CNTN1: variants seen among roughly 807,000 people sequenced by gnomAD.
CNTN1 encodes contactin 1.
In CNTN1, 38 loss-of-function variants were observed where a neutral mutation model predicts 126.4. The ratio of observed to expected loss-of-function variants is 0.30; its 90% CI spans 0.23 to 0.39. The LOEUF (loss-of-function observed/expected upper bound fraction) is 0.39, where lower values mean the gene tolerates loss of function less well. CNTN1 is among the 10% of genes least tolerant of loss of function. The pLI is 1.00. For missense variants in CNTN1, 1,009 were observed against 1,248.4 expected (o/e 0.81, Z 2.89); for synonymous variants, 413 against 422.6 (o/e 0.98, Z 0.28).
chr12:40,997,494 A>T (rs987472366), intron 17 of CNTN1, among the ~76,000 whole-genome samples: 1 of 152,164 alleles, frequency 6.6e-6, no homozygotes, highest in African/African-American at 2.4e-5. Context: ...TTGATAAAAG[A>T]GAAGAATAGA....
intron 1 of CNTN1, among the ~76,000 whole-genome samples, chr12:40,801,073 C>G (rs1940634035): frequency 1.4e-5 from 2 of 146,558 alleles, no homozygotes; most frequent in Non-Finnish European, 3.0e-5. Flanking sequence ...CTGGAAGAGA[C>G]AAGTAGCACA....
chr12:40,813,043 C>CTTTCTTTCTTTCTT (rs1941130966), intron 1 of CNTN1, among the ~76,000 whole-genome samples: 1 of 61,332 alleles, frequency 1.6e-5, no homozygotes, highest in Non-Finnish European at 4.2e-5. Flanking sequence ...TCTTTCCTTT[C>CTTTCTTTCTTTCTT]TTTCTTTCTT....
chr12:40,953,658 T>A (rs1946765893), intron 14 of CNTN1, among the ~76,000 whole-genome samples: 3 of 152,140 alleles, frequency 2.0e-5, no homozygotes, highest in African/African-American at 7.2e-5. Context: ...TAGTTTAACA[T>A]TAAACTTTTA....
At chr12:41,038,020 T>G (rs1949305882) in intron 23 of CNTN1, among the ~76,000 whole-genome samples, 1 of 152,036 alleles carries the variant, frequency 6.6e-6, no homozygotes, top group South Asian at 2.1e-4. Flanking sequence ...TAGCCGGGCA[T>G]GGTGGCACAC....
At chr12:40,810,476 T>C (rs903425248) in intron 1 of CNTN1, among the ~76,000 whole-genome samples, 5 of 152,130 alleles carry the variant, frequency 3.3e-5, no homozygotes, top group Admixed American at 6.5e-5. Context: ...TTACGTGAGG[T>C]CTCTAGAACT....
intron 1 of CNTN1, among the ~76,000 whole-genome samples, chr12:40,703,854 G>T (rs1201670167): frequency 6.6e-6 from 1 of 152,038 alleles, no homozygotes; most frequent in Non-Finnish European, 1.5e-5. Flanking sequence ...GTTGCATTGG[G>T]GCTAGAGATA....
chr12:40,947,780 T>TAC (rs1254129058), intron 14 of CNTN1, among the ~76,000 whole-genome samples: 1,433 of 67,404 alleles, frequency 0.021, 12 homozygotes, highest in East Asian at 0.067. Flanking sequence ...TATATATATA[T>TAC]ATACACACAC....
At chr12:40,849,910 AT>A (rs1442197004) in intron 1 of CNTN1, among the ~76,000 whole-genome samples, 2 of 152,036 alleles carry the variant, frequency 1.3e-5, no homozygotes, top group Non-Finnish European at 2.9e-5. Context: ...TACAGTATAT[AT>A]GCATCTCACC....
At chr12:40,951,809 A>G (rs1410642403) in intron 14 of CNTN1, among the ~76,000 whole-genome samples, 1 of 151,664 alleles carries the variant, frequency 6.6e-6, no homozygotes, top group African/African-American at 2.4e-5. Context: ...ATTCAAGCTA[A>G]TGTCTTTAGA....
chr12:41,053,292 T>C (rs1949725378), intron 23 of CNTN1, among the ~76,000 whole-genome samples: 1 of 150,618 alleles, frequency 6.6e-6, no homozygotes, highest in Non-Finnish European at 1.5e-5. Flanking sequence ...AGAGTCACTA[T>C]GAATGGCTGA....
chr12:40,860,480 A>C (rs984953104), intron 1 of CNTN1, among the ~76,000 whole-genome samples: 34 of 152,126 alleles, frequency 2.2e-4, no homozygotes, highest in Non-Finnish European at 4.9e-4. Context: ...TTCAGATGCC[A>C]GTTGCAAGCC....
intron 15 of CNTN1, among the ~76,000 whole-genome samples, chr12:40,966,110 C>T (rs1947301521): frequency 6.6e-6 from 1 of 151,818 alleles, no homozygotes; most frequent in South Asian, 2.1e-4. Flanking sequence ...CAAATCATCA[C>T]AGTCAAATCA....
chr12:40,915,019 T>C (rs1391846202), intron 3 of CNTN1, among the ~76,000 whole-genome samples: 1 of 152,078 alleles, frequency 6.6e-6, no homozygotes, highest in Admixed American at 6.6e-5. Flanking sequence ...AGCACCTTTT[T>C]CTTTTTTTAA....
intron 1 of CNTN1, among the ~76,000 whole-genome samples, chr12:40,751,018 G>A (rs1451695081): frequency 6.6e-6 from 1 of 152,066 alleles, no homozygotes; most frequent in African/African-American, 2.4e-5. Context: ...GCCAGCACAG[G>A]AGGAAGAAAA....
chr12:41,045,164 C>G (rs1335325573), intron 23 of CNTN1, among the ~76,000 whole-genome samples: 1 of 151,882 alleles, frequency 6.6e-6, no homozygotes, highest in African/African-American at 2.4e-5. Flanking sequence ...CTAAGATACA[C>G]CTACCCCCGC....
chr12:40,906,337 T>G (rs754693869), intron 1 of CNTN1, among the ~76,000 whole-genome samples: 1 of 152,166 alleles, frequency 6.6e-6, no homozygotes, highest in African/African-American at 2.4e-5. Context: ...CTCTGCCCAA[T>G]TCTGCCTAGG....
At chr12:41,032,233 C>G (rs1367880085) in intron 23 of CNTN1, among the ~76,000 whole-genome samples, 1 of 151,844 alleles carries the variant, frequency 6.6e-6, no homozygotes, top group Non-Finnish European at 1.5e-5. Flanking sequence ...TTTTAAAACA[C>G]AAATCAAATC....
At chr12:40,949,687 G>C (rs560837932) in intron 14 of CNTN1, among the ~76,000 whole-genome samples, 3 of 145,132 alleles carry the variant, frequency 2.1e-5, no homozygotes, top group African/African-American at 7.7e-5. Flanking sequence ...TAATTCTCTG[G>C]CCTCAGCCTC....
intron 1 of CNTN1, among the ~76,000 whole-genome samples, chr12:40,870,076 C>A (rs1943433091): frequency 6.6e-6 from 1 of 152,066 alleles, no homozygotes. Context: ...CTGCACAAGC[C>A]CTCTTGTCTG....
Sources: allele counts gnomAD v4.1 joint callset (sites outside exome capture counted in the v4.1 genomes callset), GRCh38; gene constraint gnomAD v4.1.1; transcripts MANE v1.5; gene names NCBI Gene and HGNC (gene_info 2026-07-23, HGNC 2026-07-21).